USH2A: variants seen among roughly 807,000 people sequenced by gnomAD.
USH2A encodes the protein usherin, also known as Usher syndrome 2A (autosomal recessive, mild).
In USH2A, 443 loss-of-function variants were observed where a neutral mutation model predicts 538.9. The observed-to-expected ratio is 0.82, with a 90% CI of 0.76 to 0.89. USH2A has a LOEUF of 0.89. Among genes scored for constraint, USH2A ranks in the 40% least tolerant of loss-of-function variants. USH2A has a pLI of 0.00. For synonymous variants in USH2A, 2,413 were observed against 2,273.5 expected (o/e 1.06, Z -1.75); for missense variants, 6,633 against 6,324.8 (o/e 1.05, Z -1.65).
At chr1:216,258,948 T>C (rs2036309939) in intron 11 of USH2A, among the ~76,000 whole-genome samples, 1 of 152,104 alleles carries the variant, frequency 6.6e-6, no homozygotes, top group African/African-American at 2.4e-5. Context: ...GAAACATTTA[T>C]TCAGCTGTTT....
At chr1:216,342,344 C>T (rs1047666587) in intron 4 of USH2A, among the ~76,000 whole-genome samples, 1 of 151,908 alleles carries the variant, frequency 6.6e-6, no homozygotes, top group Non-Finnish European at 1.5e-5. Flanking sequence ...AAACAACACG[C>T]TAGTGAGACT....
chr1:216,380,704 G>A (rs1456752809), intron 3 of USH2A, among the ~76,000 whole-genome samples: 2 of 152,058 alleles, frequency 1.3e-5, no homozygotes, highest in East Asian at 1.9e-4. Flanking sequence ...AGAAGAGACT[G>A]TAAAGTACTT....
chr1:216,346,108 G>A (rs1394898897), intron 4 of USH2A, among the ~76,000 whole-genome samples: 2 of 152,012 alleles, frequency 1.3e-5, no homozygotes, highest in African/African-American at 2.4e-5. Context: ...GGTCTGTCTT[G>A]AATTTTCCTT....
chr1:215,657,927 A>ATT (rs59977028), intron 64 of USH2A, among the ~76,000 whole-genome samples: 1,131 of 97,750 alleles, frequency 0.012, 37 homozygotes, highest in African/African-American at 0.039. Flanking sequence ...ATTTGCCCTG[A>ATT]TTTTTTTTTT....
At chr1:216,349,668 C>A (rs1486823123) in intron 4 of USH2A, among the ~76,000 whole-genome samples, 1 of 152,122 alleles carries the variant, frequency 6.6e-6, no homozygotes, top group Non-Finnish European at 1.5e-5. Flanking sequence ...GGGAGGGATC[C>A]TCAATTCTGG....
intron 20 of USH2A, among the ~76,000 whole-genome samples, chr1:216,186,774 T>C (rs2034614122): frequency 6.6e-6 from 1 of 151,892 alleles, no homozygotes; most frequent in Non-Finnish European, 1.5e-5. Context: ...TTTGTTCATC[T>C]TTCCCCTTTT....
Position 215,728,312 on chromosome 1 carries a change from T to C in USH2A, c.11784A>G (p.Glu3928=). 6.2e-7 allele frequency: 1 copy of C among 1,614,150 alleles called. No individual in the cohort carries two copies. Among genetic ancestry groups the C allele is most frequent in the Admixed American group, 1.7e-5 (1 of 60,018 alleles). ...GTGTGAAAGGCCTCAGGGTGTCTCC[T>C]TCATCCATAAATTCAAGGGCTCCTT... is the stretch of plus-strand genomic sequence containing the variant. The part of the protein sequence containing the change: ...WSEGALEFMD[E]GDTLRPFTLY... The change falls in exon 61 of 72, where the codon GAA becomes GAG. Residue 3928 remains glutamate (E), a synonymous_variant. Coordinates refer to ENST00000307340, the MANE Select transcript of USH2A (RefSeq NM_206933.4).
intron 55 of USH2A, among the ~76,000 whole-genome samples, chr1:215,770,735 T>G (rs1661253207): frequency 6.6e-6 from 1 of 152,062 alleles, no homozygotes; most frequent in South Asian, 2.1e-4. Flanking sequence ...GTGCACGCTA[T>G]TATTTGTTCA....
intron 71 of USH2A, among the ~76,000 whole-genome samples, chr1:215,627,743 CTCTA>C (rs1314436506): frequency 6.6e-6 from 1 of 152,066 alleles, no homozygotes; most frequent in Non-Finnish European, 1.5e-5. Flanking sequence ...TCAGGCTGGT[CTCTA>C]TCTAACTCTG....
chr1:216,138,925 T>C (rs1384004094), intron 21 of USH2A, among the ~76,000 whole-genome samples: 1 of 150,460 alleles, frequency 6.6e-6, no homozygotes, highest in Non-Finnish European at 1.5e-5. Flanking sequence ...TTAATGTGTG[T>C]GTGTGTGTGT....
At chr1:215,626,299 C>T (rs1558026684) in intron 71 of USH2A, among the ~76,000 whole-genome samples, 3 of 148,062 alleles carry the variant, frequency 2.0e-5, no homozygotes, top group South Asian at 4.3e-4. Context: ...TATATATACA[C>T]TATATATATA....
Position 216,321,987 on chromosome 1 carries a change from G to A in USH2A, c.1551-11C>T. Reference sequence around the variant, plus strand: ...CCATGGCACTGACATCTGCAAACATGAGCATCACACACTCCTAAGGAACAC... The same window carrying A: ...CCATGGCACTGACATCTGCAAACATAAGCATCACACACTCCTAAGGAACAC... On this transcript the variant is annotated splice_polypyrimidine_tract_variant and intron_variant, in intron 8 of 71. Coordinates refer to ENST00000307340, the MANE Select transcript of USH2A (RefSeq NM_206933.4). 1 of 1,613,460 alleles carries A rather than the reference G, an allele frequency of 6.2e-7. No homozygotes were observed. The highest frequency in any genetic ancestry group is 8.5e-7 in the Non-Finnish European group (1 of 1,179,562).
chr1:215,846,093 A>G lies in USH2A; in HGVS notation c.8846-60T>C, dbSNP rs565907853. ...GCTGAGGCTTTCAGGGGAAAAAAAA[A>G]ATTCTATCATTAGCTTTCTAGAATG... is the stretch of plus-strand genomic sequence containing the variant. On this transcript the variant is annotated intron_variant, in intron 44 of 71. Transcript: ENST00000307340. The G allele has an allele frequency of 7.0e-5, 104 of 1,488,672 alleles. No individual in the cohort carries two copies. In the Middle Eastern group the frequency reaches 8.6e-4, roughly 12 times the overall value. 92.2% of individuals were successfully genotyped at this position (1,488,672 alleles called of 1,614,324 possible).
chr1:215,845,853 G>T lies in USH2A; in HGVS notation c.9026C>A (p.Ala3009Glu). Reference sequence around the variant, plus strand: ...ATCGCAAGTGGTTGCATGAAGTCCTGCACTGTTGATGCTGTGGACTCCATT... The same window carrying T: ...ATCGCAAGTGGTTGCATGAAGTCCTTCACTGTTGATGCTGTGGACTCCATT... ...VFNGVHSINS[A>E]GLHATTCDGE... is the part of the protein sequence containing the mutation. Residue 3009 changes from alanine to glutamate, a missense_variant, in exon 45 of 72, where the codon GCA becomes GAA. Coordinates refer to ENST00000307340, the MANE Select transcript of USH2A (RefSeq NM_206933.4). The T allele has an allele frequency of 6.2e-7, 1 of 1,613,826 alleles. No individual in the cohort carries two copies. Among genetic ancestry groups the T allele is most frequent in the Non-Finnish European group, 8.5e-7 (1 of 1,179,870 alleles).
At chr1:215,642,275 G>T (rs1332454409) in intron 67 of USH2A, among the ~76,000 whole-genome samples, 1 of 152,182 alleles carries the variant, frequency 6.6e-6, no homozygotes, top group Non-Finnish European at 1.5e-5. Context: ...ATCCTGTAAA[G>T]ATTGATTCCT....
At chr1:216,096,665 G>A (rs757654933) in intron 22 of USH2A, among the ~76,000 whole-genome samples, 3 of 152,048 alleles carry the variant, frequency 2.0e-5, no homozygotes, top group Non-Finnish European at 2.9e-5. Flanking sequence ...AGTCTGCAAC[G>A]CCCAGTACCA....
intron 50 of USH2A, among the ~76,000 whole-genome samples, chr1:215,793,954 C>A (rs1662050235): frequency 6.6e-6 from 1 of 152,020 alleles, no homozygotes; most frequent in Non-Finnish European, 1.5e-5. Flanking sequence ...CAAGTCCAAT[C>A]CAAGATTAAT....
chr1:215,993,122 G>A lies in USH2A; in HGVS notation c.6703C>T (p.Leu2235=). ...GCTVSEASEA[L]TDEDIPEGVP... is the part of the protein sequence containing the mutation. The stretch of plus-strand genomic sequence containing the variant: ...CCTTCGGGTATGTCCTCGTCAGTTA[G>A]GGCCTCACTGGCCTCACTCACTGTG... The change falls in exon 35 of 72, where the codon CTA becomes TTA. Residue 2235 remains leucine, a synonymous_variant. Transcript: ENST00000307340. 1 of 1,614,010 alleles carries A rather than the reference G, an allele frequency of 6.2e-7. No individual in the cohort carries two copies. Among genetic ancestry groups the A allele is most frequent in the Non-Finnish European group, 8.5e-7 (1 of 1,179,968 alleles).
rs115312176 is a variant in USH2A, at chr1:216,419,709, T to C, written c.486-1030A>G. On this transcript the variant is annotated intron_variant, in intron 2 of 71. Coordinates refer to ENST00000307340, the MANE Select transcript of USH2A (RefSeq NM_206933.4). ...GATACAGTAGTCTCTCAAAAAATGATGAGTTTGTGATCAAATTTGGTAGGA... is the reference window on the plus strand; with the variant it reads ...GATACAGTAGTCTCTCAAAAAATGACGAGTTTGTGATCAAATTTGGTAGGA... 2.2e-3 allele frequency among the ~76,000 whole-genome samples: 342 copies of C among 152,216 alleles called. 7 individuals are homozygous for C. The highest frequency in any genetic ancestry group is 7.7e-3 in the African/African-American group (320 of 41,524).
Sources: gnomAD v4.1 joint callset for allele counts (sites outside exome capture counted in the v4.1 genomes callset) on GRCh38, gnomAD v4.1.1 for gene constraint, MANE v1.5 for transcripts, NCBI Gene and HGNC (gene_info 2026-07-23, HGNC 2026-07-21) for gene names.